CSMD1: variants seen among roughly 807,000 people sequenced by gnomAD.
The protein encoded by CSMD1 is CUB and Sushi multiple domains 1.
In CSMD1, 213 loss-of-function variants were observed where a neutral mutation model predicts 417.5. The ratio of observed to expected loss-of-function variants is 0.51; its 90% CI spans 0.46 to 0.57. The LOEUF (loss-of-function observed/expected upper bound fraction) is 0.57. Ranked by LOEUF, CSMD1 falls within the 20% of genes least tolerant of loss-of-function variation. The pLI is 0.00. For missense variants in CSMD1, 6,923 were observed against 4,529.7 expected, an observed-to-expected ratio of 1.53 and a Z score of -15.17; for synonymous variants, 2,862 against 1,736.8, an observed-to-expected ratio of 1.65 and a Z score of -16.11.
chr8:3,512,910 G>T (rs1797136722), intron 10 of CSMD1, among the ~76,000 whole-genome samples: 1 of 152,096 alleles, frequency 6.6e-6, no homozygotes, highest in Non-Finnish European at 1.5e-5. Context: ...TAAGGAGGAA[G>T]ATGTAACACG....
intron 28 of CSMD1, among the ~76,000 whole-genome samples, chr8:3,221,949 T>C (rs891491475): frequency 3.3e-5 from 5 of 152,114 alleles, no homozygotes; most frequent in Non-Finnish European, 7.4e-5. Flanking sequence ...ACACTGCATC[T>C]TGGCCAGCCC....
intron 26 of CSMD1, among the ~76,000 whole-genome samples, chr8:3,259,165 C>T (rs1220954640): frequency 6.6e-6 from 1 of 152,176 alleles, no homozygotes; most frequent in South Asian, 2.1e-4. Context: ...TGAAAACATT[C>T]TTATTAGTAT....
At chr8:3,513,120 TA>T (rs140896307) in intron 10 of CSMD1, among the ~76,000 whole-genome samples, 14,180 of 144,390 alleles carry the variant, frequency 0.098, 1,766 homozygotes, top group African/African-American at 0.28. Flanking sequence ...ATTGAATTAT[TA>T]TTATTATTTT....
At chr8:4,102,608 A>G (rs752972029) in intron 3 of CSMD1, among the ~76,000 whole-genome samples, 5 of 152,122 alleles carry the variant, frequency 3.3e-5, no homozygotes, top group Non-Finnish European at 7.4e-5. Context: ...ACTCATGTCT[A>G]CTCAAATGCC....
At chr8:4,008,832 G>A (rs191211251) in intron 4 of CSMD1, among the ~76,000 whole-genome samples, 30 of 151,786 alleles carry the variant, frequency 2.0e-4, no homozygotes, top group African/African-American at 7.0e-4. Flanking sequence ...GGATGGTCTC[G>A]ATCTCCTGAC....
chr8:4,893,207 T>G (rs77820719), intron 1 of CSMD1, among the ~76,000 whole-genome samples: 2,341 of 152,272 alleles, frequency 0.015, 95 homozygotes, highest in East Asian at 0.12. Context: ...ACTAAAATAG[T>G]TGTATTGGTA....
chr8:3,708,377 G>A (rs746164719), intron 7 of CSMD1, 37 bp downstream of exon 7: 9 of 1,553,182 alleles, frequency 5.8e-6, no homozygotes, highest in Non-Finnish European at 7.1e-6. Context: ...GCTTACAAGG[G>A]CGTATCAATC....
chr8:4,583,210 G>A (rs1799524622), intron 2 of CSMD1, among the ~76,000 whole-genome samples: 1 of 152,206 alleles, frequency 6.6e-6, no homozygotes, highest in Non-Finnish European at 1.5e-5. Context: ...GCTGAGGAAT[G>A]CGGGCACACG....
intron 2 of CSMD1, among the ~76,000 whole-genome samples, chr8:4,465,417 C>A (rs146884319): frequency 6.6e-6 from 1 of 152,064 alleles, no homozygotes; most frequent in Non-Finnish European, 1.5e-5. Flanking sequence ...GCTGAAGGAG[C>A]CTTGTACGTT....
intron 3 of CSMD1, among the ~76,000 whole-genome samples, chr8:4,076,285 C>G (rs567854480): frequency 6.6e-6 from 1 of 152,150 alleles, no homozygotes; most frequent in Middle Eastern, 3.2e-3. Flanking sequence ...GTTTGCTTCT[C>G]CCTCTGCCAT....
At chr8:3,563,785 A>G (rs1799576926) in intron 10 of CSMD1, among the ~76,000 whole-genome samples, 1 of 152,074 alleles carries the variant, frequency 6.6e-6, no homozygotes, top group African/African-American at 2.4e-5. Flanking sequence ...GCTACTCGGG[A>G]GGCTGAAGGG....
At chr8:4,236,035 G>GTTTTTTTTTTTTTTTTTT (rs869046913) in intron 3 of CSMD1, among the ~76,000 whole-genome samples, 7 of 112,656 alleles carry the variant, frequency 6.2e-5, no homozygotes, top group African/African-American at 2.7e-4. Context: ...TGTTTTTTTT[G>GTTTTTTTTTTTTTTTTTT]TTTGTTTTTT....
intron 8 of CSMD1, among the ~76,000 whole-genome samples, chr8:3,615,271 G>C (rs1802079205): frequency 6.6e-6 from 1 of 152,112 alleles, no homozygotes; most frequent in African/African-American, 2.4e-5. Flanking sequence ...AGGCCTGCTT[G>C]TCAGTACAGT....
intron 5 of CSMD1, among the ~76,000 whole-genome samples, chr8:3,769,081 T>C (rs966674344): frequency 2.0e-5 from 3 of 152,212 alleles, no homozygotes; most frequent in Non-Finnish European, 4.4e-5. Context: ...AAAGTCAGAG[T>C]TGAGCAAACT....
chr8:3,486,402 T>C (rs1818037634), intron 11 of CSMD1, among the ~76,000 whole-genome samples: 1 of 152,226 alleles, frequency 6.6e-6, no homozygotes, highest in African/African-American at 2.4e-5. Context: ...CCCAAAATAG[T>C]AGCATCCTTC....
At chr8:4,844,580 T>A (rs79132979) in intron 1 of CSMD1, among the ~76,000 whole-genome samples, 2,213 of 152,286 alleles carry the variant, frequency 0.015, 21 homozygotes, top group Non-Finnish European at 0.025. Flanking sequence ...CAACATTAAA[T>A]GGACACAGAT....
At chr8:4,083,010 A>C (rs1471023453) in intron 3 of CSMD1, among the ~76,000 whole-genome samples, 5 of 151,938 alleles carry the variant, frequency 3.3e-5, no homozygotes, top group Admixed American at 2.6e-4. Flanking sequence ...AATCCAGTCT[A>C]TCATTGTTGG....
chr8:4,962,895 A>C (rs1265763491), intron 1 of CSMD1, among the ~76,000 whole-genome samples: 1 of 152,208 alleles, frequency 6.6e-6, no homozygotes, highest in African/African-American at 2.4e-5. Context: ...TGTAAAAAAT[A>C]AATCTATCTC....
chr8:4,350,162 T>C (rs1030786945), intron 3 of CSMD1, among the ~76,000 whole-genome samples: 3 of 152,184 alleles, frequency 2.0e-5, no homozygotes, highest in Non-Finnish European at 4.4e-5. Context: ...TGATGGTCCT[T>C]ATTGTTACAA....
Sources: allele counts gnomAD v4.1 joint callset (sites outside exome capture counted in the v4.1 genomes callset), GRCh38; gene constraint gnomAD v4.1.1; transcripts MANE v1.5; gene names NCBI Gene and HGNC (gene_info 2026-07-23, HGNC 2026-07-21).